Variants in TRPC4AP observed in about 807,000 individuals in gnomAD.
The protein encoded by TRPC4AP is transient receptor potential cation channel subfamily C member 4 associated protein, also known as short transient receptor potential channel 4-associated protein.
Under a neutral mutation model 99.0 loss-of-function variants are expected in TRPC4AP, and 45 were observed. That is an observed-to-expected ratio of 0.45 (90% CI 0.36 to 0.58). The LOEUF is 0.58. TRPC4AP is among the 20% of genes least tolerant of loss of function. TRPC4AP has a pLI of 0.00. For synonymous variants in TRPC4AP, 408 were observed against 385.8 expected (o/e 1.06, Z -0.67); for missense variants, 879 against 985.3 (o/e 0.89, Z 1.44).
intron 1 of TRPC4AP, among the ~76,000 whole-genome samples, chr20:35,090,344 CCAG>C (rs2085018992): frequency 6.8e-6 from 1 of 146,738 alleles, no homozygotes; most frequent in Non-Finnish European, 1.5e-5. Flanking sequence ...TTTTGTGGCT[CCAG>C]AATATTCCAG....
chr20:35,068,514 T>A (rs1248425663), intron 3 of TRPC4AP, among the ~76,000 whole-genome samples: 2 of 152,094 alleles, frequency 1.3e-5, no homozygotes, highest in African/African-American at 2.4e-5. Flanking sequence ...TATGGCACAA[T>A]CACACCAGGA....
At chr20:35,004,179 G>A (rs1039143535) in intron 17 of TRPC4AP, among the ~76,000 whole-genome samples, 6 of 152,196 alleles carry the variant, frequency 3.9e-5, no homozygotes, top group African/African-American at 1.4e-4. Context: ...CGATTCCAAA[G>A]CCCAGCAGGG....
At chr20:35,059,008 C>A (rs1316228143) in intron 3 of TRPC4AP, among the ~76,000 whole-genome samples, 1 of 151,846 alleles carries the variant, frequency 6.6e-6, no homozygotes, top group African/African-American at 2.4e-5. Flanking sequence ...TGTTTCTAAT[C>A]GATAACCTAA....
intron 6 of TRPC4AP, among the ~76,000 whole-genome samples, chr20:35,049,256 G>GGTT (rs1213297879): frequency 7.1e-6 from 1 of 140,014 alleles, no homozygotes. Flanking sequence ...GATCATAGCT[G>GGTT]TTTTTTTTTT....
chr20:35,057,501 T>C lies in TRPC4AP; in HGVS notation c.472+13A>G, dbSNP rs767266249. On this transcript the variant is annotated intron_variant, in intron 4 of 18. Transcript: ENST00000252015. ...TTGGAAAACAAGGACCAGTAGCTAA[T>C]AGGTATACTTACTTTTCAGTTTCTG... The C allele has an allele frequency of 8.7e-6, 14 of 1,605,806 alleles. No individual in the cohort carries two copies. The Admixed American group carries it at 1.5e-4, about 17-fold the overall frequency.
chr20:35,016,008 C>T lies in TRPC4AP; in HGVS notation c.1350G>A (p.Pro450=), dbSNP rs747869737. The T allele has an allele frequency of 8.7e-6, 14 of 1,614,094 alleles. No homozygotes were observed. The highest frequency in any genetic ancestry group is 1.7e-5 in the Admixed American group (1 of 60,020). ...HGHNQNCDCS[P]DITLKIQFLR... ...CTGTCCCCGGGGGTCTCCTGCTTAC[C>T]GGGCTACAGTCACAGTTCTGGTTGT... Residue 450 remains proline, a splice_region_variant and synonymous_variant, in exon 10 of 19, where the codon CCG becomes CCA. Transcript: ENST00000252015.
At chr20:35,056,206 G>A (rs978290817) in intron 4 of TRPC4AP, among the ~76,000 whole-genome samples, 1 of 152,142 alleles carries the variant, frequency 6.6e-6, no homozygotes, top group Non-Finnish European at 1.5e-5. Context: ...AGAGCAGGGT[G>A]AAACACTGCT....
chr20:35,041,002 A>C (rs6060172), intron 7 of TRPC4AP, among the ~76,000 whole-genome samples: 4 of 142,662 alleles, frequency 2.8e-5, no homozygotes, highest in Non-Finnish European at 6.3e-5. Context: ...TCTCTCCTCA[A>C]TGACAGAGAG....
intron 1 of TRPC4AP, among the ~76,000 whole-genome samples, chr20:35,089,567 T>C (rs1178081423): frequency 6.6e-6 from 1 of 151,852 alleles, no homozygotes; most frequent in African/African-American, 2.4e-5. Flanking sequence ...TGAAAAAATT[T>C]TGGCTAGGCG....
At chr20:35,046,288 GTTCTA>G (rs2083560847) in intron 6 of TRPC4AP, among the ~76,000 whole-genome samples, 1 of 151,788 alleles carries the variant, frequency 6.6e-6, no homozygotes, top group East Asian at 1.9e-4. Flanking sequence ...GTGCTATTTG[GTTCTA>G]TTCTCACTCA....
intron 2 of TRPC4AP, among the ~76,000 whole-genome samples, chr20:35,073,389 A>T (rs555898667): frequency 6.6e-6 from 1 of 152,284 alleles, no homozygotes; most frequent in South Asian, 2.1e-4. Flanking sequence ...GTTTTTGCCC[A>T]TTCAGTATGA....
At chr20:35,062,091 C>T (rs1245024307) in intron 3 of TRPC4AP, among the ~76,000 whole-genome samples, 1 of 152,120 alleles carries the variant, frequency 6.6e-6, no homozygotes, top group African/African-American at 2.4e-5. Flanking sequence ...CAAATCAAAA[C>T]CACAATGAGA....
intron 11 of TRPC4AP, 99 bp from the exon 12 acceptor site, chr20:35,010,387 C>G: frequency 1.0e-6 from 1 of 980,114 alleles, no homozygotes; most frequent in South Asian, 1.5e-5. Flanking sequence ...TTCCTGTGGA[C>G]AGAATCTGAG....
intron 2 of TRPC4AP, among the ~76,000 whole-genome samples, chr20:35,074,279 CTCTGA>C (rs1411752429): frequency 2.0e-5 from 3 of 152,146 alleles, no homozygotes; most frequent in Non-Finnish European, 4.4e-5. Context: ...TTCAGTACTG[CTCTGA>C]TCTTAGTTAT....
At chr20:35,085,967 G>A (rs1389865483) in intron 1 of TRPC4AP, among the ~76,000 whole-genome samples, 1 of 151,998 alleles carries the variant, frequency 6.6e-6, no homozygotes. Context: ...CACACTAAAT[G>A]CAAGGGTCTC....
intron 2 of TRPC4AP, among the ~76,000 whole-genome samples, chr20:35,076,086 C>T (rs577157755): frequency 2.0e-5 from 3 of 152,276 alleles, no homozygotes; most frequent in East Asian, 1.9e-4. Flanking sequence ...ACGTAGTTTT[C>T]GAGCCATGGT....
At position 35,035,113 on chromosome 20, in the gene TRPC4AP, C is replaced by T; in HGVS notation, c.1051+10G>A. 6.2e-6 allele frequency: 10 copies of T among 1,609,250 alleles called. No individual in the cohort carries two copies. The highest frequency in any genetic ancestry group is 8.5e-6 in the Non-Finnish European group (10 of 1,176,880). Reference sequence around the variant, plus strand: ...GCTCCCGATCACTCAGGGGACCCATCCTTCCATACCTTGATTGTGCTCTGA... The same window carrying T: ...GCTCCCGATCACTCAGGGGACCCATTCTTCCATACCTTGATTGTGCTCTGA... On this transcript the variant is annotated intron_variant, in intron 8 of 18. Transcript: ENST00000252015.
rs1327627102 is a variant in TRPC4AP, at chr20:35,016,135, T to C, written c.1223A>G (p.His408Arg). 2 of 1,614,186 alleles carry C rather than the reference T, an allele frequency of 1.2e-6. No homozygotes were observed. ...CAGCTTGAACTCTGCAATCATTCTG[T>C]GAACCTGAATGGGATAGGAAGGAAA... ...LLMGRQRNQV[H>R]RMIAEFKLIP... Residue 408 changes from histidine (H) to arginine (R), a missense_variant, in exon 10 of 19, where the codon CAC becomes CGC. Physicochemically the swap from His to Arg is conservative, Grantham distance 29. This residue lies in a region of TRPC4AP where 603 missense variants were observed against 631.8 expected (regional missense o/e 0.95). Coordinates refer to ENST00000252015, the MANE Select transcript of TRPC4AP (RefSeq NM_015638.3).
chr20:35,030,780 G>GT (rs1480015313), intron 8 of TRPC4AP, among the ~76,000 whole-genome samples: 1 of 152,158 alleles, frequency 6.6e-6, no homozygotes, highest in African/African-American at 2.4e-5. Context: ...GATGGTTTGT[G>GT]TAAGTTTTTT....
Sources: gnomAD v4.1 joint callset for allele counts (sites outside exome capture counted in the v4.1 genomes callset) on GRCh38, gnomAD v4.1.1 for gene constraint, gnomAD v4.1.1 regional missense constraint, MANE v1.5 for transcripts, NCBI Gene and HGNC (gene_info 2026-07-23, HGNC 2026-07-21) for gene names.